The following ZNF208 variants were observed in gnomAD, a reference collection of about 807,000 sequenced individuals.
The protein encoded by ZNF208 is zinc finger protein 208, also known as zinc finger protein 95.
ZNF208 carries 10 observed loss-of-function variants against 12.1 expected under a neutral mutation model. The observed-to-expected ratio is 0.83, with a 90% CI of 0.51 to 1.40. ZNF208 has a LOEUF of 1.40. Among genes scored for constraint, ZNF208 ranks in the 40% most tolerant of loss-of-function variants. The pLI, the probability that ZNF208 is intolerant of heterozygous loss-of-function variation, is 0.00. For missense variants in ZNF208, 1,652 were observed against 1,485.0 expected, an observed-to-expected ratio of 1.11 and a Z score of -1.85; for synonymous variants, 497 against 488.4, an observed-to-expected ratio of 1.02 and a Z score of -0.23.
intron 4 of ZNF208, chr19:21,940,453 T>C (rs960526481): frequency 6.6e-6 from 1 of 152,160 alleles, no homozygotes; most frequent in African/African-American, 2.4e-5. Flanking sequence ...AAAAATTAAA[T>C]TGCCACGTGA....
At chr19:21,983,501 G>A (rs1353738878) in intron 3 of ZNF208, among the ~76,000 whole-genome samples, 1 of 151,980 alleles carries the variant, frequency 6.6e-6, no homozygotes, top group Non-Finnish European at 1.5e-5. Flanking sequence ...CCCATTACTG[G>A]GTATATACTC....
chr19:21,961,472 C>T (rs1427100247), downstream of ZNF208, among the ~76,000 whole-genome samples: 7 of 152,102 alleles, frequency 4.6e-5, no homozygotes, highest in South Asian at 2.1e-4. Context: ...CAGCTGTGCA[C>T]GTATTGGTTT....
chr19:21,969,553 A>G lies in ZNF208; in HGVS notation c.*1638T>C, dbSNP rs1235295075. On this transcript the variant is annotated 3_prime_UTR_variant, in exon 4 of 4. Coordinates refer to ENST00000397126, the MANE Select transcript of ZNF208 (RefSeq NM_007153.3). The stretch of plus-strand genomic sequence containing the variant: ...TGTATCTGCAAAAACATATTTTAGT[A>G]TAAACGCATTTGTGTTTTATAATCT... Among the ~76,000 whole-genome samples the G allele has an allele frequency of 2.6e-5, 4 of 152,162 alleles. No homozygotes were observed. The highest frequency in any genetic ancestry group is 1.3e-4 in the Admixed American group (2 of 15,250).
In ZNF208 at chr19:21,974,254, T is replaced by C. The variant is rs200564282; in HGVS notation, c.780A>G (p.Glu260=). The change falls in exon 4 of 4, where the codon GAA becomes GAG. Residue 260 remains glutamate (E), a synonymous_variant. Coordinates refer to ENST00000397126, the MANE Select transcript of ZNF208 (RefSeq NM_007153.3). ...ATTGGTTAAAAGCCTTGCCACATTC[T>C]TCACATTTGTAGGATTTCTCTCCAG... ...IHTGEKSYKC[E]ECGKAFNQSA... is the part of the protein sequence containing the mutation. The C allele has an allele frequency of 6.2e-7, 1 of 1,612,796 alleles. No homozygotes were observed.
Position 21,974,652 on chromosome 19 carries a change from C to G in ZNF208, c.382G>C (p.Glu128Gln). 1.2e-6 allele frequency: 2 copies of G among 1,613,704 alleles called. No individual in the cohort carries two copies. Among genetic ancestry groups the G allele is most frequent in the Non-Finnish European group, 1.7e-6 (2 of 1,179,774 alleles). ...CTCTGGTTAAGTTTATTATAACCTT[C>G]TTTGTGCACCTTACACTCATCCACA... ...TNVDECKVHK[E>Q]GYNKLNQSLT... Residue 128 changes from glutamate to glutamine, a missense_variant, in exon 4 of 4, where the codon GAA (glutamate) becomes CAA (glutamine). Around this residue, in one of 3 missense-constraint regions of ZNF208, gnomAD observed 410 missense variants for 378.2 expected, o/e 1.08. Transcript: ENST00000397126.
intron 1 of ZNF208, among the ~76,000 whole-genome samples, chr19:21,996,871 G>C (rs1486838655): frequency 2.0e-5 from 3 of 152,174 alleles, no homozygotes; most frequent in Non-Finnish European, 2.9e-5. Context: ...CTCTCTAAAA[G>C]TGACTGCAGA....
Position 21,970,808 on chromosome 19 carries a change from A to G in ZNF208, c.*383T>C. The G allele has an allele frequency of 6.9e-7, 1 of 1,459,054 alleles. No individual in the cohort carries two copies. Among genetic ancestry groups the G allele is most frequent in the South Asian group, 1.1e-5 (1 of 87,258 alleles). 90.4% of individuals were successfully genotyped at this position (1,459,054 alleles called of 1,614,324 possible). ...CTCCAGCATGAATTTTCTTATGTTT[A>G]CTAAAGACTGAGAACCAGCTGAAGG... On this transcript the variant is annotated 3_prime_UTR_variant, in exon 4 of 4. Coordinates refer to ENST00000397126, the MANE Select transcript of ZNF208 (RefSeq NM_007153.3).
chr19:21,962,474 TTC>T (rs1970089426), downstream of ZNF208, among the ~76,000 whole-genome samples: 1 of 152,168 alleles, frequency 6.6e-6, no homozygotes, highest in African/African-American at 2.4e-5. Context: ...TAAATATATA[TTC>T]TGCTCAAATC....
rs767209057 is a variant in ZNF208 at position 21,971,480 on chromosome 19, G to C, written c.3554C>G (p.Ala1185Gly). Residue 1185 changes from alanine to glycine, a missense_variant, in exon 4 of 4, where the codon GCA becomes GGA. Ala to Gly is a moderately conservative substitution (Grantham distance 60). Around this residue, in one of 3 missense-constraint regions of ZNF208, gnomAD observed 1,239 missense variants for 1,086.2 expected, o/e 1.14. Coordinates refer to ENST00000397126, the MANE Select transcript of ZNF208 (RefSeq NM_007153.3). ...TCCAGTATGAATTACCTTATGTTTT[G>C]CAAGGATTGAGAACATAACAAAGCC... Reference protein sequence around the residue: ...GKGFVMFSILAKHKVIHTGEK... With the variant: ...GKGFVMFSILGKHKVIHTGEK... The C allele has an allele frequency of 1.2e-6, 2 of 1,610,312 alleles. No homozygotes were observed. The highest frequency in any genetic ancestry group is 1.7e-6 in the Non-Finnish European group (2 of 1,179,678).
chr19:21,995,626 C>G (rs1455230799), intron 1 of ZNF208, among the ~76,000 whole-genome samples: 1 of 152,160 alleles, frequency 6.6e-6, no homozygotes, highest in Non-Finnish European at 1.5e-5. Flanking sequence ...TACTTTGGCT[C>G]AACTCCAGAA....
chr19:21,947,996 C>T (rs181394042), intron 4 of ZNF208, among the ~76,000 whole-genome samples: 2 of 152,100 alleles, frequency 1.3e-5, no homozygotes, highest in East Asian at 1.9e-4. Context: ...AGGTCATGCT[C>T]GCATCCATGG....
chr19:22,009,934 C>A (rs1971113867), intron 1 of ZNF208, among the ~76,000 whole-genome samples: 1 of 152,088 alleles, frequency 6.6e-6, no homozygotes, highest in South Asian at 2.1e-4. Context: ...GCCTATAATC[C>A]CAGCATTTTG....
intron 3 of ZNF208, among the ~76,000 whole-genome samples, chr19:21,979,655 T>A (rs1344194556): frequency 6.6e-6 from 1 of 152,164 alleles, no homozygotes; most frequent in East Asian, 1.9e-4. Context: ...ATTGACACTA[T>A]GAAGAAACTG....
At position 21,969,842 on chromosome 19, in the gene ZNF208, T is replaced by C. The variant is rs1970246684; in HGVS notation, c.*1349A>G. On this transcript the variant is annotated 3_prime_UTR_variant, in exon 4 of 4. Transcript: ENST00000397126. The stretch of plus-strand genomic sequence containing the variant: ...CTAGTGACAGTGATTGCACTTTTAA[T>C]ACTTTTATTTAGTATGAACTCTCTG... Among the ~76,000 whole-genome samples, 2 of 152,216 alleles carry C rather than the reference T, an allele frequency of 1.3e-5. No homozygotes were observed.
At chr19:21,964,144 C>CT (rs1279641093), downstream of ZNF208, among the ~76,000 whole-genome samples, 3 of 151,732 alleles carry the variant, frequency 2.0e-5, no homozygotes, top group African/African-American at 4.8e-5. Context: ...ACTACTAATA[C>CT]TTTTTTTATA....
chr19:21,962,109 AAG>A (rs1970081228), downstream of ZNF208, among the ~76,000 whole-genome samples: 2 of 152,184 alleles, frequency 1.3e-5, no homozygotes, highest in African/African-American at 2.4e-5. Flanking sequence ...AAGAAATTAT[AAG>A]AGTGTTTTTA....
chr19:21,999,485 G>A (rs952911192), intron 1 of ZNF208, among the ~76,000 whole-genome samples: 49 of 152,136 alleles, frequency 3.2e-4, no homozygotes, highest in Admixed American at 2.0e-4. Flanking sequence ...TGCAGTGTAA[G>A]TATGTCAGCC....
At chr19:21,978,264 G>A (rs73538835) in intron 3 of ZNF208, among the ~76,000 whole-genome samples, 23,560 of 152,124 alleles carry the variant, frequency 0.15, 1,996 homozygotes, top group Admixed American at 0.22. Context: ...CCTGACACCC[G>A]TGTCTCCTGA....
chr19:21,967,796 T>G lies in ZNF208; in HGVS notation c.*3395A>C, dbSNP rs1344044009. The G allele has an allele frequency of 1.3e-5, 2 of 152,166 alleles. No homozygotes were observed. The highest frequency in any genetic ancestry group is 2.9e-5 in the Non-Finnish European group (2 of 68,030). 9.4% of individuals were successfully genotyped at this position (152,166 alleles called of 1,614,324 possible). A position where few individuals can be genotyped will look rare whatever the true frequency, so the allele number is the denominator to read the frequency against. ...CTAATTCAATAAAAATCGTCATGGA[T>G]AGTCTGATAAAAATAGCACTTAATC... On this transcript the variant is annotated 3_prime_UTR_variant, in exon 4 of 4. Transcript: ENST00000397126.
Sources: gnomAD v4.1 joint callset for allele counts (sites outside exome capture counted in the v4.1 genomes callset) on GRCh38, gnomAD v4.1.1 for gene constraint, gnomAD v4.1.1 regional missense constraint, MANE v1.5 for transcripts, NCBI Gene and HGNC (gene_info 2026-07-23, HGNC 2026-07-21) for gene names.